The following LIFR variants were observed in gnomAD, a reference collection of about 807,000 sequenced individuals.
The protein encoded by LIFR is LIF receptor subunit alpha.
LIFR carries 84 observed loss-of-function variants against 122.2 expected under a neutral mutation model. The observed-to-expected ratio is 0.69, with a 90% CI of 0.58 to 0.82. LIFR has a LOEUF of 0.82. Ranked by LOEUF, LIFR falls within the 40% of genes least tolerant of loss-of-function variation. The pLI, the probability that LIFR is intolerant of heterozygous loss-of-function variation, is 0.00. For missense variants in LIFR, 1,294 were observed against 1,311.6 expected (o/e 0.99, Z 0.21); for synonymous variants, 422 against 434.7 (o/e 0.97, Z 0.36).
intron 1 of LIFR, among the ~76,000 whole-genome samples, chr5:38,580,874 C>A (rs907238800): frequency 1.3e-5 from 2 of 152,152 alleles, no homozygotes; most frequent in Non-Finnish European, 2.9e-5. Context: ...ATGTTCTTCT[C>A]TATCTCCGTG....
chr5:38,488,506 C>G (rs1165388519), intron 16 of LIFR, among the ~76,000 whole-genome samples: 1 of 152,216 alleles, frequency 6.6e-6, no homozygotes, highest in African/African-American at 2.4e-5. Context: ...AGCCAGAAAT[C>G]TGTACAATTT....
intron 1 of LIFR, among the ~76,000 whole-genome samples, chr5:38,584,036 A>G (rs960994277): frequency 3.3e-5 from 5 of 151,686 alleles, no homozygotes. Context: ...TTTTTTAATT[A>G]ATTACCCAGT....
intron 1 of LIFR, among the ~76,000 whole-genome samples, chr5:38,548,352 A>G (rs1467587832): frequency 6.6e-6 from 1 of 152,252 alleles, no homozygotes; most frequent in Admixed American, 6.5e-5. Flanking sequence ...TAGTTTGTTG[A>G]ATAAGCAGGA....
chr5:38,479,040 A>G lies in LIFR; in HGVS notation c.*2555T>C, dbSNP rs1402309817. The G allele has an allele frequency of 1.3e-5, 3 of 231,840 alleles. No homozygotes were observed. Among genetic ancestry groups the G allele is most frequent in the Admixed American group, 5.6e-5 (1 of 17,732 alleles). The allele number at this position is 231,840 out of a possible 1,614,324, so 14.4% of individuals were successfully genotyped here. A position where few individuals can be genotyped will look rare whatever the true frequency, so the allele number is the denominator to read the frequency against. On this transcript the variant is annotated 3_prime_UTR_variant, in exon 20 of 20. Coordinates refer to ENST00000453190, the MANE Select transcript of LIFR (RefSeq NM_001127671.2). ...CATTGACAAACAGCGCACATTTACC[A>G]GTATCTCAGACAACTGAACATGTGA...
chr5:38,553,622 C>CTATA (rs66547796), intron 1 of LIFR, among the ~76,000 whole-genome samples: 776 of 41,356 alleles, frequency 0.019, 15 homozygotes, highest in Non-Finnish European at 0.028. Context: ...ACCATTTAAA[C>CTATA]TATATATATA....
chr5:38,506,177 TC>T (rs924520980), intron 8 of LIFR, 103 bp from the exon 9 acceptor site: 1 of 764,558 alleles, frequency 1.3e-6, no homozygotes, highest in African/African-American at 1.8e-5. Context: ...AGTTTAAATT[TC>T]TAATTAGAAG....
rs1160272109 is a variant in LIFR, at chr5:38,523,440, C to T, written c.540G>A (p.Glu180=). 3.7e-6 allele frequency: 6 copies of T among 1,612,640 alleles called. No individual in the cohort carries two copies. In the South Asian group the frequency reaches 6.6e-5, roughly 18 times the overall value. The change falls in exon 5 of 20, where the codon GAG becomes GAA. Residue 180 remains glutamate, a synonymous_variant. Transcript: ENST00000453190. ...VIWEIKVLRK[E]SMELVKLVTH... is the part of the protein sequence containing the mutation. ...TTACTAATTTTACGAGCTCCATACT[C>T]TCTTTACGTAGAACTTTAATTTCCC...
intron 5 of LIFR, among the ~76,000 whole-genome samples, chr5:38,516,801 C>G (rs1486461012): frequency 6.6e-6 from 1 of 152,146 alleles, no homozygotes. Context: ...AGACTTGGAA[C>G]CCACCCAAAC....
At chr5:38,546,340 G>A (rs2112633845) in intron 1 of LIFR, among the ~76,000 whole-genome samples, 1 of 152,246 alleles carries the variant, frequency 6.6e-6, no homozygotes, top group East Asian at 1.9e-4. Flanking sequence ...GATGGGCAAA[G>A]AAATGTTACC....
chr5:38,539,491 CTG>C (rs1219177869), intron 1 of LIFR, among the ~76,000 whole-genome samples: 5 of 152,280 alleles, frequency 3.3e-5, no homozygotes, highest in Middle Eastern at 3.4e-3. Context: ...TATTTGGTGA[CTG>C]AAGCAAATCC....
At chr5:38,573,163 C>G (rs1413429334) in intron 1 of LIFR, among the ~76,000 whole-genome samples, 2 of 152,234 alleles carry the variant, frequency 1.3e-5, no homozygotes, top group South Asian at 4.1e-4. Flanking sequence ...ATGAGAAATG[C>G]AACAATTAAA....
intron 16 of LIFR, among the ~76,000 whole-genome samples, chr5:38,488,834 G>C (rs769770202): frequency 1.3e-5 from 2 of 152,168 alleles, no homozygotes; most frequent in Non-Finnish European, 2.9e-5. Context: ...GTCCTATGAG[G>C]CTTATAATCA....
chr5:38,553,895 A>C (rs1002356747), intron 1 of LIFR, among the ~76,000 whole-genome samples: 1 of 151,700 alleles, frequency 6.6e-6, no homozygotes, highest in African/African-American at 2.4e-5. Flanking sequence ...GAAAAGCAAG[A>C]GCTAAGTATG....
chr5:38,505,609 T>C (rs1364987280), intron 9 of LIFR, among the ~76,000 whole-genome samples: 1 of 152,166 alleles, frequency 6.6e-6, no homozygotes, highest in African/African-American at 2.4e-5. Flanking sequence ...TTATTGTAAC[T>C]ACCAGTGAGT....
At chr5:38,594,129 C>T (rs914748895) in intron 1 of LIFR, among the ~76,000 whole-genome samples, 2 of 152,034 alleles carry the variant, frequency 1.3e-5, no homozygotes, top group Non-Finnish European at 2.9e-5. Context: ...AAAACCTTTG[C>T]GCATGTTTTT....
chr5:38,492,383 C>A (rs913823189), intron 14 of LIFR, among the ~76,000 whole-genome samples: 2 of 152,114 alleles, frequency 1.3e-5, no homozygotes, highest in African/African-American at 4.8e-5. Context: ...CTATCCCAGT[C>A]CATCCTGATT....
intron 1 of LIFR, among the ~76,000 whole-genome samples, chr5:38,594,623 A>G (rs1408490646): frequency 6.6e-6 from 1 of 152,164 alleles, no homozygotes; most frequent in African/African-American, 2.4e-5. Context: ...AACTGCTCTA[A>G]GAAATAAGGT....
intron 1 of LIFR, 105 bp from the exon 2 acceptor site, chr5:38,530,771 T>C: frequency 1.9e-6 from 2 of 1,049,696 alleles, no homozygotes; most frequent in Non-Finnish European, 3.0e-6. Flanking sequence ...TCTGAAACAC[T>C]GTACATTTAG....
intron 1 of LIFR, among the ~76,000 whole-genome samples, chr5:38,585,844 G>C (rs888424832): frequency 6.6e-6 from 1 of 151,740 alleles, no homozygotes; most frequent in Non-Finnish European, 1.5e-5. Flanking sequence ...AAGTTCCCTT[G>C]CTAGCTAGGC....
Sources: allele counts gnomAD v4.1 joint callset (sites outside exome capture counted in the v4.1 genomes callset), GRCh38; gene constraint gnomAD v4.1.1; transcripts MANE v1.5; gene names NCBI Gene and HGNC (gene_info 2026-07-23, HGNC 2026-07-21).